Variants in EEPD1 observed in about 807,000 individuals in gnomAD.
The protein encoded by EEPD1 is endonuclease/exonuclease/phosphatase family domain containing 1.
EEPD1 carries 17 observed loss-of-function variants against 46.3 expected under a neutral mutation model. The ratio of observed to expected loss-of-function variants is 0.37; its 90% CI spans 0.25 to 0.55. The LOEUF is 0.55. Ranked by LOEUF, EEPD1 falls within the 20% of genes least tolerant of loss-of-function variation. The pLI is 0.83. For synonymous variants in EEPD1, 313 were observed against 315.6 expected, an observed-to-expected ratio of 0.99 and a Z score of 0.09; for missense variants, 673 against 745.6, an observed-to-expected ratio of 0.90 and a Z score of 1.13.
chr7:36,221,695 A>T (rs1041766895), intron 2 of EEPD1, among the ~76,000 whole-genome samples: 7 of 152,218 alleles, frequency 4.6e-5, no homozygotes, highest in Non-Finnish European at 1.0e-4. Flanking sequence ...ATCAGTTCTA[A>T]AAAAGGTAAG....
At chr7:36,279,109 C>A (rs1247642108) in intron 3 of EEPD1, among the ~76,000 whole-genome samples, 2 of 151,016 alleles carry the variant, frequency 1.3e-5, no homozygotes, top group African/African-American at 4.9e-5. Context: ...GCATCCCCGA[C>A]CCCCTTCCCT....
At chr7:36,256,076 T>C (rs987497042) in intron 3 of EEPD1, among the ~76,000 whole-genome samples, 1 of 152,310 alleles carries the variant, frequency 6.6e-6, no homozygotes, top group Admixed American at 6.5e-5. Context: ...CTTAATTTCA[T>C]TATTTACCCA....
chr7:36,197,029 G>A (rs547129600), intron 2 of EEPD1, among the ~76,000 whole-genome samples: 37 of 148,466 alleles, frequency 2.5e-4, no homozygotes, highest in East Asian at 1.8e-3. Flanking sequence ...CCGCCGCCCC[G>A]TCTGGGATGT....
chr7:36,269,676 G>A (rs145271549), intron 3 of EEPD1, among the ~76,000 whole-genome samples: 6 of 152,260 alleles, frequency 3.9e-5, no homozygotes, highest in African/African-American at 1.4e-4. Context: ...CGGAAGGATC[G>A]CCTGAACCCA....
rs944610701 is a variant in EEPD1 at position 36,301,524 on chromosome 7, T to C, written c.*2318T>C. 2.0e-5 allele frequency: 3 copies of C among 152,250 alleles called. No individual in the cohort carries two copies. Among genetic ancestry groups the C allele is most frequent in the African/African-American group, 7.2e-5 (3 of 41,470 alleles). 9.4% of individuals were successfully genotyped at this position (152,250 alleles called of 1,614,324 possible). ...GTTCATAGTTTATATTAAAGTTCAC[T>C]CTTTGTGTTGTGCATCCTATGGGTT... is the stretch of plus-strand genomic sequence containing the variant. On this transcript the variant is annotated 3_prime_UTR_variant, in exon 8 of 8. Transcript: ENST00000242108.
intron 2 of EEPD1, among the ~76,000 whole-genome samples, chr7:36,209,638 CTGCACATGTTTGG>C: frequency 2.8e-3 from 1 of 352 alleles, no homozygotes; most frequent in Non-Finnish European, 0.056. Flanking sequence ...GTCATGTGGG[CTGCACATGTTTGG>C]CTGCACATGT....
chr7:36,260,085 T>C (rs986742931), intron 3 of EEPD1, among the ~76,000 whole-genome samples: 3 of 152,238 alleles, frequency 2.0e-5, no homozygotes, highest in South Asian at 2.1e-4. Flanking sequence ...ATACAGCTGC[T>C]TTTAAAATCA....
At chr7:36,214,792 G>T (rs2115732618) in intron 2 of EEPD1, among the ~76,000 whole-genome samples, 1 of 152,352 alleles carries the variant, frequency 6.6e-6, no homozygotes, top group African/African-American at 2.4e-5. Flanking sequence ...AGGAATGGAT[G>T]TTTCTTCCCG....
chr7:36,248,452 C>T (rs1408175048), intron 3 of EEPD1, among the ~76,000 whole-genome samples: 1 of 151,642 alleles, frequency 6.6e-6, no homozygotes, highest in African/African-American at 2.4e-5. Context: ...AGTAATCTGC[C>T]CACCTCGGCC....
chr7:36,217,023 A>G (rs1786040145), intron 2 of EEPD1, among the ~76,000 whole-genome samples: 1 of 152,276 alleles, frequency 6.6e-6, no homozygotes, highest in Admixed American at 6.5e-5. Flanking sequence ...GTTAGTGGAA[A>G]GGGGTCCCAA....
chr7:36,159,608 C>T (rs2115597339), intron 2 of EEPD1, among the ~76,000 whole-genome samples: 1 of 152,346 alleles, frequency 6.6e-6, no homozygotes, highest in Admixed American at 6.5e-5. Flanking sequence ...ACTCCATGCC[C>T]TTCTGCTGCC....
chr7:36,248,994 A>AAACACACACACACAC (rs1786687462), intron 3 of EEPD1, among the ~76,000 whole-genome samples: 1 of 135,350 alleles, frequency 7.4e-6, no homozygotes, highest in Non-Finnish European at 1.6e-5. Flanking sequence ...TGGTTCATTA[A>AAACACACACACACAC]ACACACACAC....
intron 3 of EEPD1, among the ~76,000 whole-genome samples, chr7:36,247,069 G>A (rs1377568467): frequency 1.3e-5 from 2 of 148,952 alleles, no homozygotes; most frequent in Non-Finnish European, 3.0e-5. Flanking sequence ...GTTGCAGTGA[G>A]CTGAGATCGC....
At chr7:36,175,115 A>T (rs1346213149) in intron 2 of EEPD1, among the ~76,000 whole-genome samples, 1 of 152,232 alleles carries the variant, frequency 6.6e-6, no homozygotes, top group Non-Finnish European at 1.5e-5. Flanking sequence ...AAACTCAGTG[A>T]TTGGCACAAG....
chr7:36,241,910 T>G (rs1343954467), intron 3 of EEPD1, among the ~76,000 whole-genome samples: 1 of 152,218 alleles, frequency 6.6e-6, no homozygotes, highest in Non-Finnish European at 1.5e-5. Context: ...TTGAGCTGTG[T>G]GTACACCTGA....
chr7:36,206,259 T>C (rs182540274), intron 2 of EEPD1, among the ~76,000 whole-genome samples: 1 of 152,218 alleles, frequency 6.6e-6, no homozygotes, highest in Non-Finnish European at 1.5e-5. Context: ...CTGTCAGCCA[T>C]GGGGCTGTGT....
chr7:36,283,661 G>A (rs1787296338), intron 4 of EEPD1, among the ~76,000 whole-genome samples: 1 of 152,138 alleles, frequency 6.6e-6, no homozygotes, highest in African/African-American at 2.4e-5. Flanking sequence ...GGTGGGCAAG[G>A]AGATAATTTC....
chr7:36,179,545 A>G (rs1360204859), intron 2 of EEPD1, among the ~76,000 whole-genome samples: 4 of 151,846 alleles, frequency 2.6e-5, no homozygotes, highest in Non-Finnish European at 4.4e-5. Flanking sequence ...AGATGGCAAG[A>G]AAGGACCACA....
intron 3 of EEPD1, among the ~76,000 whole-genome samples, chr7:36,250,722 A>ATATTT (rs1786723291): frequency 6.6e-6 from 1 of 152,120 alleles, no homozygotes; most frequent in Non-Finnish European, 1.5e-5. Context: ...ATATCAGATG[A>ATATTT]AAGCTTCATG....
Sources: gnomAD v4.1 joint callset for allele counts (sites outside exome capture counted in the v4.1 genomes callset) on GRCh38, gnomAD v4.1.1 for gene constraint, MANE v1.5 for transcripts, NCBI Gene and HGNC (gene_info 2026-07-23, HGNC 2026-07-21) for gene names.